The following DOCK2 variants were observed in gnomAD, a reference collection of about 807,000 sequenced individuals.
The protein encoded by DOCK2 is dedicator of cytokinesis 2.
DOCK2 carries 87 observed loss-of-function variants against 248.9 expected under a neutral mutation model. The observed-to-expected ratio is 0.35, with a 90% CI of 0.29 to 0.42. DOCK2 has a LOEUF of 0.42. Ranked by LOEUF, DOCK2 falls within the 10% of genes least tolerant of loss-of-function variation. The pLI, the probability that DOCK2 is intolerant of heterozygous loss-of-function variation, is 1.00. For missense variants in DOCK2, 1,747 were observed against 2,300.2 expected (o/e 0.76, Z 4.92); for synonymous variants, 805 against 821.6 (o/e 0.98, Z 0.35).
At chr5:169,827,002 C>G (rs754078937) in intron 26 of DOCK2, among the ~76,000 whole-genome samples, 1 of 145,564 alleles carries the variant, frequency 6.9e-6, no homozygotes, top group African/African-American at 2.7e-5. Flanking sequence ...GAATCCAGGA[C>G]AGAGCGTGGC....
chr5:170,079,927 C>A, intron 49 of DOCK2: 1 of 528,734 alleles, frequency 1.9e-6, no homozygotes. Context: ...ACACCATTTA[C>A]ATGATAGTCT....
chr5:169,665,400 A>G (rs1758662970), intron 2 of DOCK2, among the ~76,000 whole-genome samples: 1 of 150,382 alleles, frequency 6.6e-6, no homozygotes, highest in African/African-American at 2.4e-5. Flanking sequence ...TAGTGGGAGA[A>G]CTTATATATG....
chr5:169,858,766 G>GTTGAGGCAGGAGGATTGC (rs1771023140), intron 27 of DOCK2, among the ~76,000 whole-genome samples: 1 of 152,188 alleles, frequency 6.6e-6, no homozygotes, highest in African/African-American at 2.4e-5. Flanking sequence ...ACTTTGGGAG[G>GTTGAGGCAGGAGGATTGC]TTGAGGCAGG....
At chr5:170,082,025 G>T in intron 51 of DOCK2, 41 bp downstream of exon 51, 3 of 1,605,868 alleles carry the variant, frequency 1.9e-6, no homozygotes, top group Non-Finnish European at 2.6e-6. Context: ...GGCATTGGGA[G>T]GAGAAAGGGA....
At chr5:169,665,332 C>T (rs964584446) in intron 2 of DOCK2, among the ~76,000 whole-genome samples, 1 of 143,530 alleles carries the variant, frequency 7.0e-6, no homozygotes, top group Non-Finnish European at 1.5e-5. Context: ...ATCAGCATAT[C>T]TATATATGTT....
chr5:170,014,101 A>T (rs1291298093), intron 32 of DOCK2, among the ~76,000 whole-genome samples: 3 of 152,188 alleles, frequency 2.0e-5, no homozygotes, highest in Non-Finnish European at 2.9e-5. Context: ...AAAGACAGGG[A>T]AAGGGCAGAT....
intron 8 of DOCK2, 40 bp from the exon 9 acceptor site, chr5:169,689,212 G>C (rs369019285): frequency 2.5e-6 from 4 of 1,600,340 alleles, no homozygotes; most frequent in Non-Finnish European, 3.4e-6. Context: ...TGGATGTCAG[G>C]TCCCTTGGCA....
chr5:169,730,370 C>A (rs557678267), intron 22 of DOCK2, among the ~76,000 whole-genome samples: 1 of 152,110 alleles, frequency 6.6e-6, no homozygotes, highest in Non-Finnish European at 1.5e-5. Context: ...TGAAGCTTTT[C>A]AGAAAGTTAG....
At chr5:169,945,638 G>A (rs1468218433) in intron 27 of DOCK2, among the ~76,000 whole-genome samples, 1 of 152,198 alleles carries the variant, frequency 6.6e-6, no homozygotes, top group African/African-American at 2.4e-5. Context: ...TGGCTGAGCT[G>A]CATCTGCAGT....
intron 2 of DOCK2, among the ~76,000 whole-genome samples, chr5:169,662,501 A>G (rs1196263072): frequency 2.0e-5 from 3 of 152,178 alleles, no homozygotes; most frequent in Non-Finnish European, 4.4e-5. Flanking sequence ...CTGTTTTCAC[A>G]CTGCTGTAAA....
At chr5:169,766,039 C>A (rs902520813) in intron 25 of DOCK2, among the ~76,000 whole-genome samples, 2 of 152,164 alleles carry the variant, frequency 1.3e-5, no homozygotes, top group African/African-American at 4.8e-5. Context: ...AATAAACAAC[C>A]CTCTGACTCT....
chr5:170,033,984 G>A (rs772770911), intron 34 of DOCK2, among the ~76,000 whole-genome samples: 22 of 152,294 alleles, frequency 1.4e-4, no homozygotes, highest in Non-Finnish European at 2.4e-4. Flanking sequence ...AGACACATTT[G>A]TGAGTATTAT....
intron 25 of DOCK2, among the ~76,000 whole-genome samples, chr5:169,773,481 T>A (rs1232348004): frequency 6.6e-6 from 1 of 152,018 alleles, no homozygotes; most frequent in Non-Finnish European, 1.5e-5. Context: ...ATTTACCTCA[T>A]TAAAAATAGA....
intron 30 of DOCK2, among the ~76,000 whole-genome samples, chr5:169,999,747 C>G (rs1369132969): frequency 6.6e-6 from 1 of 152,130 alleles, no homozygotes; most frequent in Non-Finnish European, 1.5e-5. Context: ...TTCTCTGTAC[C>G]CTGCCTGGAA....
chr5:170,052,378 G>T (rs1320623247), intron 41 of DOCK2, among the ~76,000 whole-genome samples: 11 of 152,184 alleles, frequency 7.2e-5, no homozygotes, highest in Admixed American at 7.2e-4. Context: ...GAACAGCTCT[G>T]TGGCCTTTTA....
rs1190037536 is a variant in DOCK2 at position 170,076,079 on chromosome 5, G to C, written c.4861G>C (p.Glu1621Gln). ...MKVEKEYGVREMPDFDDRRVG... is the reference protein window; with the variant it reads ...MKVEKEYGVRQMPDFDDRRVG... Reference sequence around the variant, plus strand: ...GGTGGAGAAGGAGTACGGTGTCCGAGAGATGGTATGGGTGGTTCCTATGGC... The same window carrying C: ...GGTGGAGAAGGAGTACGGTGTCCGACAGATGGTATGGGTGGTTCCTATGGC... The change falls in exon 47 of 52, where the codon GAG becomes CAG. Residue 1621 changes from glutamate to glutamine, a missense_variant. Glu to Gln is a conservative substitution (Grantham distance 29, BLOSUM62 2). Coordinates refer to ENST00000520908, the MANE Select transcript of DOCK2 (RefSeq NM_004946.3). 2 of 1,603,466 alleles carry C rather than the reference G, an allele frequency of 1.2e-6. No individual in the cohort carries two copies. The highest frequency in any genetic ancestry group is 1.7e-6 in the Non-Finnish European group (2 of 1,173,508).
chr5:169,877,772 A>ACC (rs1423139359), intron 27 of DOCK2, among the ~76,000 whole-genome samples: 1 of 152,142 alleles, frequency 6.6e-6, no homozygotes, highest in Non-Finnish European at 1.5e-5. Flanking sequence ...TAAGGATAAG[A>ACC]CGAGGAGCAG....
chr5:169,783,950 C>A (rs1022980842), intron 25 of DOCK2, among the ~76,000 whole-genome samples: 1 of 152,166 alleles, frequency 6.6e-6, no homozygotes, highest in African/African-American at 2.4e-5. Flanking sequence ...GAAATTAGCA[C>A]CCTCTTTTAC....
At chr5:169,718,080 A>G (rs1405602157) in intron 21 of DOCK2, among the ~76,000 whole-genome samples, 2 of 151,970 alleles carry the variant, frequency 1.3e-5, no homozygotes, top group Non-Finnish European at 2.9e-5. Context: ...AAAACAAAAC[A>G]AAACAAAAAC....
Sources: allele counts gnomAD v4.1 joint callset (sites outside exome capture counted in the v4.1 genomes callset), GRCh38; gene constraint gnomAD v4.1.1; transcripts MANE v1.5; gene names NCBI Gene and HGNC (gene_info 2026-07-23, HGNC 2026-07-21).